Variants in KAZN observed in about 807,000 individuals in gnomAD.
The protein encoded by KAZN is kazrin.
In KAZN, 40 loss-of-function variants were observed where a neutral mutation model predicts 87.4. That is an observed-to-expected ratio of 0.46 (90% CI 0.36 to 0.60). The LOEUF is 0.60. Among genes scored for constraint, KAZN ranks in the 20% least tolerant of loss-of-function variants. The pLI is 0.00. For missense variants in KAZN, 898 were observed against 1,073.9 expected, an observed-to-expected ratio of 0.84 and a Z score of 2.29; for synonymous variants, 466 against 458.3, an observed-to-expected ratio of 1.02 and a Z score of -0.22.
intron 2 of KAZN, among the ~76,000 whole-genome samples, chr1:14,989,274 G>A (rs1315397056): frequency 3.3e-5 from 5 of 152,170 alleles, no homozygotes; most frequent in East Asian, 1.9e-4. Context: ...TCAGGAGTTC[G>A]AGACCAGCCA....
At chr1:13,929,327 C>CA (rs1640416187) in intron 1 of KAZN, among the ~76,000 whole-genome samples, 1 of 152,158 alleles carries the variant, frequency 6.6e-6, no homozygotes, top group South Asian at 2.1e-4. Flanking sequence ...GTTAAAAACT[C>CA]AGGCTGCTGG....
chr1:14,537,669 G>A (rs1299329203), intron 2 of KAZN, among the ~76,000 whole-genome samples: 2 of 152,180 alleles, frequency 1.3e-5, no homozygotes, highest in African/African-American at 2.4e-5. Context: ...CCAGGTTGGT[G>A]GGAAGATCCT....
intron 1 of KAZN, among the ~76,000 whole-genome samples, chr1:14,764,379 C>A (rs1644829047): frequency 1.1e-5 from 1 of 87,292 alleles, no homozygotes; most frequent in Non-Finnish European, 2.6e-5. Flanking sequence ...CCGACCCCCT[C>A]CCCCACACCC....
At position 14,413,314 on chromosome 1, in the gene KAZN, G is replaced by A. The variant is rs1664455686; in HGVS notation, c.250-185669G>A. Among the ~76,000 whole-genome samples the A allele has an allele frequency of 2.0e-5, 3 of 152,032 alleles. No individual in the cohort carries two copies. In the South Asian group the frequency reaches 6.2e-4, roughly 31 times the overall value. On this transcript the variant is annotated intron_variant, in intron 2 of 16. Coordinates refer to the KAZN transcript ENST00000636203. ...GAAACCTTTAAAATGCATTTGGCCA[G>A]GCACTGTGGCTCACGCCTGTAATCC...
chr1:13,893,712 C>T (rs1407943408), exon 1 of KAZN: 21 of 1,550,406 alleles, frequency 1.4e-5, no homozygotes, highest in Non-Finnish European at 1.8e-5. Context: ...GGCCCCGTCA[C>T]CTTCTCCCAC....
intron 2 of KAZN, among the ~76,000 whole-genome samples, chr1:14,432,598 G>A (rs1666137346): frequency 6.6e-6 from 1 of 152,054 alleles, no homozygotes; most frequent in Middle Eastern, 3.4e-3. Flanking sequence ...TACATGTGCA[G>A]AATGTGCAGG....
At chr1:14,355,944 C>T (rs1658985189) in intron 2 of KAZN, among the ~76,000 whole-genome samples, 1 of 151,974 alleles carries the variant, frequency 6.6e-6, no homozygotes, top group East Asian at 1.9e-4. Flanking sequence ...GGGTATATAC[C>T]CAGTAATGGG....
intron 1 of KAZN, among the ~76,000 whole-genome samples, chr1:14,834,356 C>CTTTTTTT (rs34228625): frequency 1.1e-5 from 1 of 88,640 alleles, no homozygotes; most frequent in African/African-American, 5.1e-5. Flanking sequence ...AAGTCACTTC[C>CTTTTTTT]TTTTTTTTTT....
chr1:15,087,399 C>CT (rs142552383), intron 8 of KAZN, among the ~76,000 whole-genome samples: 12,812 of 108,324 alleles, frequency 0.12, 1,438 homozygotes, highest in African/African-American at 0.31. Context: ...GCACTTTTTT[C>CT]TTTTTTTTTT....
At chr1:14,909,870 T>C (rs947521238) in intron 1 of KAZN, among the ~76,000 whole-genome samples, 4 of 152,080 alleles carry the variant, frequency 2.6e-5, no homozygotes, top group Admixed American at 6.6e-5. Flanking sequence ...GTGGGCAACA[T>C]GGCGAAACCC....
chr1:14,109,698 T>C (rs546436324), intron 1 of KAZN, among the ~76,000 whole-genome samples: 2 of 151,596 alleles, frequency 1.3e-5, no homozygotes, highest in Non-Finnish European at 2.9e-5. Context: ...AACCTGAGGG[T>C]AATTACTCTA....
At chr1:14,568,301 C>T (rs190253047) in intron 2 of KAZN, among the ~76,000 whole-genome samples, 6 of 152,276 alleles carry the variant, frequency 3.9e-5, no homozygotes, top group South Asian at 2.1e-4. Context: ...CCAACAATCA[C>T]GTCAGCTTGA....
intron 1 of KAZN, among the ~76,000 whole-genome samples, chr1:14,834,471 C>G (rs949844369): frequency 2.0e-5 from 3 of 151,150 alleles, no homozygotes; most frequent in Admixed American, 6.6e-5. Context: ...ACACCATTCT[C>G]CTGCCTCAGC....
At chr1:15,045,237 G>A (rs1406707257) in intron 4 of KAZN, among the ~76,000 whole-genome samples, 2 of 152,312 alleles carry the variant, frequency 1.3e-5, no homozygotes, top group South Asian at 2.1e-4. Flanking sequence ...GGGGGAGGAC[G>A]TAAGTCTTAG....
At position 14,518,349 on chromosome 1, in the gene KAZN, G is replaced by T. The variant is rs144609966; in HGVS notation, c.250-80634G>T. On this transcript the variant is annotated intron_variant, in intron 2 of 16. Transcript: ENST00000636203. Reference sequence around the variant, plus strand: ...GCACCACCACGCCCAGCTAATTTTTGTACTTTTAGTAGAGACAGGATTTCG... The same window carrying T: ...GCACCACCACGCCCAGCTAATTTTTTTACTTTTAGTAGAGACAGGATTTCG... Among the ~76,000 whole-genome samples, 685 of 151,938 alleles carry T rather than the reference G, an allele frequency of 4.5e-3. 6 individuals are homozygous for T. The highest frequency in any genetic ancestry group is 0.016 in the African/African-American group (648 of 41,442).
chr1:14,469,127 A>T (rs1307875463), intron 2 of KAZN, among the ~76,000 whole-genome samples: 2 of 152,136 alleles, frequency 1.3e-5, no homozygotes, highest in African/African-American at 4.8e-5. Context: ...AGTTTCCATA[A>T]TGTGTGCTAC....
intron 2 of KAZN, among the ~76,000 whole-genome samples, chr1:14,365,748 T>C (rs1394075023): frequency 2.6e-5 from 4 of 152,252 alleles, no homozygotes; most frequent in African/African-American, 7.2e-5. Context: ...AGGAGCCAAA[T>C]TGCCTCAGTT....
At position 14,486,337 on chromosome 1, in the gene KAZN, T is replaced by G. The variant is rs142958859; in HGVS notation, c.250-112646T>G. Among the ~76,000 whole-genome samples the G allele has an allele frequency of 6.1e-3, 929 of 152,296 alleles. 5 individuals are homozygous for G. Among genetic ancestry groups the G allele is most frequent in the Non-Finnish European group, 8.8e-3 (600 of 68,022 alleles). On this transcript the variant is annotated intron_variant, in intron 2 of 16. Transcript: ENST00000636203. ...CTCTCAGTTAAGACCAATGAGTACT[T>G]CACAAATGAAATTATTTTTAACATA...
chr1:15,083,897 G>A (rs953098620), intron 8 of KAZN, among the ~76,000 whole-genome samples: 55 of 152,196 alleles, frequency 3.6e-4, no homozygotes, highest in African/African-American at 1.3e-3. Context: ...TGCTCACATA[G>A]GTTCTTCTAC....
Sources: gnomAD v4.1 joint callset for allele counts (sites outside exome capture counted in the v4.1 genomes callset) on GRCh38, gnomAD v4.1.1 for gene constraint, MANE v1.5 for transcripts, NCBI Gene and HGNC (gene_info 2026-07-23, HGNC 2026-07-21) for gene names.